Variants in SLC12A2 observed in about 807,000 individuals in gnomAD.
SLC12A2 encodes solute carrier family 12 member 2.
SLC12A2 carries 67 observed loss-of-function variants against 136.3 expected under a neutral mutation model. The ratio of observed to expected loss-of-function variants is 0.49; its 90% CI spans 0.40 to 0.60. The LOEUF (loss-of-function observed/expected upper bound fraction) is 0.60, where lower values mean the gene tolerates loss of function less well. Among genes scored for constraint, SLC12A2 ranks in the 20% least tolerant of loss-of-function variants. The pLI, the probability that SLC12A2 is intolerant of heterozygous loss-of-function variation, is 0.00. For missense variants in SLC12A2, 1,322 were observed against 1,534.7 expected (o/e 0.86, Z 2.32); for synonymous variants, 619 against 562.9 (o/e 1.10, Z -1.41).
At chr5:128,148,011 C>G (rs1434904142) in intron 11 of SLC12A2, among the ~76,000 whole-genome samples, 3 of 151,632 alleles carry the variant, frequency 2.0e-5, no homozygotes, top group Admixed American at 6.6e-5. Flanking sequence ...CATACATTTT[C>G]AAGATGTTTA....
chr5:128,128,549 T>G (rs536028681), intron 4 of SLC12A2, among the ~76,000 whole-genome samples: 5 of 152,090 alleles, frequency 3.3e-5, no homozygotes, highest in Non-Finnish European at 7.4e-5. Context: ...CAAGAGTTTA[T>G]CATACATACT....
chr5:128,146,410 T>C (rs1399174971), intron 10 of SLC12A2, among the ~76,000 whole-genome samples: 3 of 151,704 alleles, frequency 2.0e-5, no homozygotes, highest in Non-Finnish European at 3.0e-5. Context: ...CTAGGGGAGT[T>C]TCTAGCCCAC....
intron 15 of SLC12A2, among the ~76,000 whole-genome samples, chr5:128,154,991 T>G (rs1183487099): frequency 6.6e-6 from 1 of 152,122 alleles, no homozygotes; most frequent in Non-Finnish European, 1.5e-5. Flanking sequence ...TTTGGCATAT[T>G]CAAATTGCCA....
intron 17 of SLC12A2, 23 bp downstream of exon 17, chr5:128,161,823 A>C: frequency 1.4e-6 from 2 of 1,385,774 alleles, no homozygotes; most frequent in Non-Finnish European, 1.9e-6. Context: ...ATGCTTTTCA[A>C]ATGCCTACAT....
At chr5:128,180,247 G>A (rs1251660693) in intron 22 of SLC12A2, among the ~76,000 whole-genome samples, 1 of 151,976 alleles carries the variant, frequency 6.6e-6, no homozygotes, top group African/African-American at 2.4e-5. Flanking sequence ...TGGGATTACA[G>A]GTGTGAGCCA....
chr5:128,108,784 G>C (rs1425641724), intron 1 of SLC12A2, among the ~76,000 whole-genome samples: 3 of 152,196 alleles, frequency 2.0e-5, no homozygotes, highest in Admixed American at 1.3e-4. Flanking sequence ...TTTGTGATTT[G>C]TGAGTTATAT....
At chr5:128,142,477 G>C (rs192930002) in intron 10 of SLC12A2, among the ~76,000 whole-genome samples, 1 of 152,114 alleles carries the variant, frequency 6.6e-6, no homozygotes, top group Admixed American at 6.5e-5. Context: ...AAAATCTGAG[G>C]ATGTTCAAGA....
intron 25 of SLC12A2, 117 bp downstream of exon 25, chr5:128,184,618 A>G (rs1311757812): frequency 1.3e-5 from 17 of 1,325,108 alleles, no homozygotes; most frequent in Non-Finnish European, 1.6e-5. Flanking sequence ...TTTAAAATAG[A>G]TTTATTTGAG....
chr5:128,131,756 A>G (rs1365763256), intron 5 of SLC12A2, among the ~76,000 whole-genome samples: 1 of 152,170 alleles, frequency 6.6e-6, no homozygotes, highest in Admixed American at 6.5e-5. Flanking sequence ...CTGTAATCTC[A>G]GTACTATGGG....
chr5:128,146,606 T>C (rs191989854), intron 10 of SLC12A2, among the ~76,000 whole-genome samples: 1 of 151,500 alleles, frequency 6.6e-6, no homozygotes. Flanking sequence ...CAATATAATA[T>C]ACCTAGTATC....
At chr5:128,178,931 G>A (rs1763617636) in intron 22 of SLC12A2, among the ~76,000 whole-genome samples, 2 of 151,966 alleles carry the variant, frequency 1.3e-5, no homozygotes, top group Admixed American at 6.6e-5. Context: ...TTTTTAATAT[G>A]AACCATTTTG....
chr5:128,128,941 C>T (rs1036336593), intron 4 of SLC12A2, among the ~76,000 whole-genome samples: 2 of 151,752 alleles, frequency 1.3e-5, no homozygotes, highest in African/African-American at 4.8e-5. Flanking sequence ...CTTCCTTTTT[C>T]TTGAAAACAA....
chr5:128,135,872 A>G (rs755693918), intron 7 of SLC12A2, 64 bp downstream of exon 7: 7 of 888,954 alleles, frequency 7.9e-6, no homozygotes, highest in Non-Finnish European at 1.3e-5. Context: ...CATCAATTAA[A>G]TTTTGTACAT....
chr5:128,174,722 A>C, intron 20 of SLC12A2, 56 bp downstream of exon 20: 1 of 1,297,476 alleles, frequency 7.7e-7, no homozygotes, highest in East Asian at 2.6e-5. Context: ...ATTTGGGAGA[A>C]ATATTTTTAA....
In SLC12A2 at chr5:128,181,728, CT is replaced by C. The variant is rs1763713195; in HGVS notation, c.3212+737del. Among the ~76,000 whole-genome samples the C allele has an allele frequency of 2.0e-5, 3 of 152,194 alleles. No individual in the cohort carries two copies. In the South Asian group the frequency reaches 6.2e-4, roughly 32 times the overall value. ...CCTTGACAGTCTGTCCTCTCATTCC[CT>C]TTCTATTCTTCTGTTTCCCCCAGTG... On this transcript the variant is annotated intron_variant, in intron 23 of 26. Transcript: ENST00000262461.
chr5:128,088,007 C>CTGTG (rs58191870), intron 1 of SLC12A2, among the ~76,000 whole-genome samples: 9,088 of 140,336 alleles, frequency 0.065, 873 homozygotes, highest in African/African-American at 0.21. Context: ...GGAGGAGGCT[C>CTGTG]TGTGTGTGTG....
intron 1 of SLC12A2, among the ~76,000 whole-genome samples, chr5:128,105,695 A>T (rs1341397782): frequency 1.3e-5 from 2 of 152,128 alleles, no homozygotes; most frequent in Non-Finnish European, 2.9e-5. Flanking sequence ...GAAAGAAGAG[A>T]TCATCCATAG....
chr5:128,120,745 A>T (rs1221863394), intron 4 of SLC12A2, among the ~76,000 whole-genome samples: 1 of 152,056 alleles, frequency 6.6e-6, no homozygotes, highest in Non-Finnish European at 1.5e-5. Flanking sequence ...GCATTAGGAG[A>T]TACACCTAAT....
chr5:128,134,563 G>T (rs1045173250), intron 6 of SLC12A2, among the ~76,000 whole-genome samples: 1 of 152,050 alleles, frequency 6.6e-6, no homozygotes, highest in African/African-American at 2.4e-5. Context: ...TGAGGTCAGT[G>T]TGTTAGTCCA....
Sources: allele counts gnomAD v4.1 joint callset (sites outside exome capture counted in the v4.1 genomes callset), GRCh38; gene constraint gnomAD v4.1.1; transcripts MANE v1.5; gene names NCBI Gene and HGNC (gene_info 2026-07-23, HGNC 2026-07-21).